DDX46: variants seen among roughly 807,000 people sequenced by gnomAD.
The protein encoded by DDX46 is probable ATP-dependent RNA helicase DDX46.
In DDX46, 30 loss-of-function variants were observed where a neutral mutation model predicts 134.9. The ratio of observed to expected loss-of-function variants is 0.22; its 90% CI spans 0.17 to 0.30. The LOEUF (loss-of-function observed/expected upper bound fraction) is 0.30. Ranked by LOEUF, DDX46 falls within the 10% of genes least tolerant of loss-of-function variation. DDX46 has a pLI of 1.00. For missense variants in DDX46, 622 were observed against 1,248.7 expected (o/e 0.50, Z 7.56); for synonymous variants, 415 against 404.1 (o/e 1.03, Z -0.32).
At chr5:134,780,606 T>C (rs1447513548) in intron 6 of DDX46, 1 of 142,814 alleles carries the variant, frequency 7.0e-6, no homozygotes, top group Non-Finnish European at 1.6e-5. Context: ...AAATAAAGTA[T>C]GTATAATTAT....
chr5:134,808,069 A>G, intron 16 of DDX46, 128 bp downstream of exon 16: 1 of 861,808 alleles, frequency 1.2e-6, no homozygotes, highest in Non-Finnish European at 1.7e-6. Flanking sequence ...TAATGTGAAG[A>G]GTGGTTGATG....
chr5:134,761,623 A>G (rs979215364), intron 1 of DDX46, among the ~76,000 whole-genome samples: 5 of 152,196 alleles, frequency 3.3e-5, no homozygotes, highest in South Asian at 2.1e-4. Flanking sequence ...TCAACTATAT[A>G]CTATATATCT....
chr5:134,796,877 C>T (rs571092628), intron 15 of DDX46, among the ~76,000 whole-genome samples: 9 of 146,020 alleles, frequency 6.2e-5, no homozygotes, highest in South Asian at 2.2e-4. Flanking sequence ...AAAGGCCAGG[C>T]GAGGTGGCTC....
chr5:134,770,016 C>T (rs929778085), intron 3 of DDX46, among the ~76,000 whole-genome samples: 3 of 152,036 alleles, frequency 2.0e-5, no homozygotes, highest in African/African-American at 7.2e-5. Flanking sequence ...AAGTTTATTT[C>T]TTACCTAAAT....
intron 18 of DDX46, among the ~76,000 whole-genome samples, chr5:134,812,642 C>T (rs1580814316): frequency 6.6e-6 from 1 of 152,050 alleles, no homozygotes; most frequent in South Asian, 2.1e-4. Context: ...ACCATACTAG[C>T]TCAAAAAATT....
intron 21 of DDX46, among the ~76,000 whole-genome samples, chr5:134,822,078 C>T (rs372138494): frequency 2.0e-5 from 3 of 151,686 alleles, no homozygotes; most frequent in African/African-American, 7.3e-5. Context: ...GGAGTTTCAC[C>T]ACGTTGGCCA....
At chr5:134,777,787 G>A (rs983913222) in intron 6 of DDX46, 62 bp downstream of exon 6, 1 of 1,531,820 alleles carries the variant, frequency 6.5e-7, no homozygotes, top group East Asian at 2.3e-5. Flanking sequence ...GTTCTCCATT[G>A]CATTGTCCTA....
rs1449636277 is a variant in DDX46, at chr5:134,830,635, A to C, written c.*1929A>C. The stretch of plus-strand genomic sequence containing the variant: ...AAGTTATTCTTCCTGAAAAAGTAAG[A>C]TATACCTGGGAAATATTCTTGGATC... On this transcript the variant is annotated 3_prime_UTR_variant, in exon 23 of 23. Coordinates refer to ENST00000452510, the MANE Select transcript of DDX46 (RefSeq NM_001300860.2). 1 of 152,584 alleles carries C rather than the reference A, an allele frequency of 6.6e-6. No individual in the cohort carries two copies. The highest frequency in any genetic ancestry group is 2.4e-5 in the African/African-American group (1 of 41,462). 9.5% of individuals were successfully genotyped at this position (152,584 alleles called of 1,614,324 possible). A position where few individuals can be genotyped will look rare whatever the true frequency, so the allele number is the denominator to read the frequency against.
At chr5:134,819,201 C>T (rs76973845) in intron 21 of DDX46, among the ~76,000 whole-genome samples, 197 bp downstream of exon 21, 9 of 152,078 alleles carry the variant, frequency 5.9e-5, no homozygotes, top group African/African-American at 1.4e-4. Flanking sequence ...GATCTGTTTC[C>T]GAGACTCAGT....
At chr5:134,770,224 A>G (rs867062476) in intron 3 of DDX46, among the ~76,000 whole-genome samples, 44 of 124,304 alleles carry the variant, frequency 3.5e-4, no homozygotes, top group Admixed American at 1.6e-3. Flanking sequence ...TTTTTTTTTT[A>G]AAAAGAGACA....
chr5:134,791,978 C>T (rs928845803), intron 13 of DDX46, among the ~76,000 whole-genome samples: 1 of 152,066 alleles, frequency 6.6e-6, no homozygotes, highest in Admixed American at 6.6e-5. Context: ...AGGAGATCAG[C>T]CTAGCCTGGC....
chr5:134,760,931 G>A (rs1013410916), intron 1 of DDX46, among the ~76,000 whole-genome samples: 2 of 151,886 alleles, frequency 1.3e-5, no homozygotes, highest in Admixed American at 6.6e-5. Context: ...GGGTTTCACC[G>A]TGTTAGCCAG....
rs1754271181 is a variant in DDX46 at position 134,784,534 on chromosome 5, G to A, written c.1335G>A (p.Gly445=). Residue 445 remains glycine, a synonymous_variant, in exon 10 of 23, where the codon GGG becomes GGA. Transcript: ENST00000452510. The stretch of plus-strand genomic sequence containing the variant: ...AGAGGTCATTAGAGGAAGGAGAGGG[G>A]CCAATAGGTACAATTCTTTTCATTA... The part of the protein sequence containing the change: ...MDQRSLEEGE[G]PIAVIMTPTR... The A allele has an allele frequency of 1.2e-6, 2 of 1,601,552 alleles. No homozygotes were observed. Among genetic ancestry groups the A allele is most frequent in the Non-Finnish European group, 1.7e-6 (2 of 1,175,696 alleles).
intron 15 of DDX46, among the ~76,000 whole-genome samples, chr5:134,796,958 C>T (rs1381885007): frequency 1.3e-5 from 2 of 150,704 alleles, no homozygotes; most frequent in Non-Finnish European, 2.9e-5. Context: ...TCGAGACCAG[C>T]CTGACCAACA....
At chr5:134,764,385 C>T (rs1205141403) in intron 2 of DDX46, among the ~76,000 whole-genome samples, 4 of 151,848 alleles carry the variant, frequency 2.6e-5, no homozygotes, top group South Asian at 4.2e-4. Context: ...TGGGTTCAAG[C>T]GATTCTCATG....
At chr5:134,803,484 T>G (rs1396764189) in intron 15 of DDX46, among the ~76,000 whole-genome samples, 1 of 152,190 alleles carries the variant, frequency 6.6e-6, no homozygotes, top group East Asian at 1.9e-4. Flanking sequence ...TTCTGGTGGT[T>G]TTTCTTATAA....
intron 18 of DDX46, among the ~76,000 whole-genome samples, chr5:134,812,688 C>T (rs560765508): frequency 6.6e-6 from 1 of 151,192 alleles, no homozygotes; most frequent in Non-Finnish European, 1.5e-5. Context: ...CCAGGCCAGA[C>T]TGCAGTGTCG....
intron 1 of DDX46, among the ~76,000 whole-genome samples, chr5:134,760,051 T>G (rs1299965130): frequency 6.6e-6 from 1 of 152,198 alleles, no homozygotes; most frequent in Non-Finnish European, 1.5e-5. Flanking sequence ...TTTAAATTGA[T>G]TCTCTGAATT....
intron 15 of DDX46, among the ~76,000 whole-genome samples, chr5:134,806,967 A>T (rs535720411): frequency 6.6e-6 from 1 of 152,180 alleles, no homozygotes; most frequent in South Asian, 2.1e-4. Context: ...CTAAAACTTT[A>T]ATTTGCATAT....
Sources: allele counts gnomAD v4.1 joint callset (sites outside exome capture counted in the v4.1 genomes callset), GRCh38; gene constraint gnomAD v4.1.1; transcripts MANE v1.5; gene names NCBI Gene and HGNC (gene_info 2026-07-23, HGNC 2026-07-21).